Variants in FOXN3 observed in about 807,000 individuals in gnomAD.
The protein encoded by FOXN3 is forkhead box protein N3.
FOXN3 carries 7 observed loss-of-function variants against 38.4 expected under a neutral mutation model. The observed-to-expected ratio is 0.18, with a 90% CI of 0.10 to 0.34. The LOEUF is 0.34. Among genes scored for constraint, FOXN3 ranks in the 10% least tolerant of loss-of-function variants. FOXN3 has a pLI of 1.00. For missense variants in FOXN3, 456 were observed against 613.4 expected (o/e 0.74, Z 2.71); for synonymous variants, 230 against 242.2 (o/e 0.95, Z 0.47).
At chr14:89,331,459 A>G (rs1247256617) in intron 3 of FOXN3, among the ~76,000 whole-genome samples, 1 of 149,198 alleles carries the variant, frequency 6.7e-6, no homozygotes, top group Non-Finnish European at 1.5e-5. Context: ...CTGCTGATGG[A>G]CGTTTGCGTT....
chr14:89,581,287 G>A (rs950717175), intron 1 of FOXN3, among the ~76,000 whole-genome samples: 3 of 151,982 alleles, frequency 2.0e-5, no homozygotes, highest in African/African-American at 7.2e-5. Context: ...TTTGAGACCA[G>A]CCTGGCCAAC....
At chr14:89,474,570 G>A (rs1028737423) in intron 1 of FOXN3, among the ~76,000 whole-genome samples, 3 of 152,148 alleles carry the variant, frequency 2.0e-5, no homozygotes, top group Admixed American at 1.3e-4. Flanking sequence ...AATAAGAATC[G>A]TCAGGACAGT....
intron 1 of FOXN3, among the ~76,000 whole-genome samples, chr14:89,452,285 C>A (rs1892629006): frequency 6.6e-6 from 1 of 152,172 alleles, no homozygotes; most frequent in East Asian, 1.9e-4. Context: ...CATCCCCTAA[C>A]AAACCTTCCA....
Position 89,294,267 on chromosome 14 carries a change from GCACAGT to G in FOXN3, c.681-13259_681-13254del, listed in dbSNP as rs145527109. Among the ~76,000 whole-genome samples the G allele has an allele frequency of 4.5e-3, 684 of 152,278 alleles. 4 individuals are homozygous for G. Among genetic ancestry groups the G allele is most frequent in the African/African-American group, 0.016 (650 of 41,544 alleles). On this transcript the variant is annotated intron_variant, in intron 3 of 5. Transcript: ENST00000557258. Reference sequence around the variant, plus strand: ...CATTCTCAAAGCACAATATCTTCAGGCACAGTCCCCAGGGCTTGCCAACGTGGAGAG... The same window carrying G: ...CATTCTCAAAGCACAATATCTTCAGGCCCCAGGGCTTGCCAACGTGGAGAG...
chr14:89,436,864 A>ATAAG (rs1310576204), intron 1 of FOXN3, among the ~76,000 whole-genome samples: 1 of 152,230 alleles, frequency 6.6e-6, no homozygotes, highest in Non-Finnish European at 1.5e-5. Context: ...AGTATGGCTT[A>ATAAG]GGCCAGGCAC....
intron 1 of FOXN3, among the ~76,000 whole-genome samples, chr14:89,580,717 T>C (rs1393843122): frequency 1.3e-5 from 2 of 152,240 alleles, no homozygotes; most frequent in African/African-American, 4.8e-5. Flanking sequence ...GCTCCATAAT[T>C]GATGCAAGTT....
intron 1 of FOXN3, among the ~76,000 whole-genome samples, chr14:89,515,838 C>T (rs531454084): frequency 5.3e-5 from 8 of 152,228 alleles, no homozygotes; most frequent in African/African-American, 9.6e-5. Flanking sequence ...ATGATGAAAG[C>T]GAAGGGTGCT....
intron 3 of FOXN3, among the ~76,000 whole-genome samples, chr14:89,329,224 T>G (rs1888166690): frequency 6.6e-6 from 1 of 152,250 alleles, no homozygotes; most frequent in African/African-American, 2.4e-5. Context: ...TAGTAGGTGT[T>G]AATTTTTCCC....
chr14:89,498,280 G>A (rs173378), intron 1 of FOXN3, among the ~76,000 whole-genome samples: 1 of 131,874 alleles, frequency 7.6e-6, no homozygotes, highest in Admixed American at 8.7e-5. Context: ...ACGGTGGTAC[G>A]ATCTCGATCT....
intron 2 of FOXN3, among the ~76,000 whole-genome samples, chr14:89,368,899 T>C (rs1171490397): frequency 5.3e-5 from 8 of 152,034 alleles, no homozygotes; most frequent in Non-Finnish European, 2.9e-5. Context: ...GGAGAGAAAC[T>C]CCGCCAGGGG....
chr14:89,389,908 T>G (rs1890889562), intron 2 of FOXN3, among the ~76,000 whole-genome samples: 1 of 152,040 alleles, frequency 6.6e-6, no homozygotes, highest in African/African-American at 2.4e-5. Flanking sequence ...ATCCTTGTTT[T>G]TCACTTTTAT....
chr14:89,251,015 G>A (rs1265259049), intron 4 of FOXN3, among the ~76,000 whole-genome samples: 4 of 152,180 alleles, frequency 2.6e-5, no homozygotes, highest in Non-Finnish European at 5.9e-5. Flanking sequence ...TTTATTAGTA[G>A]TGTGAGAAGA....
intron 1 of FOXN3, among the ~76,000 whole-genome samples, chr14:89,516,701 A>G (rs1596305107): frequency 6.6e-6 from 1 of 151,764 alleles, no homozygotes; most frequent in East Asian, 1.9e-4. Context: ...AGCTGAGACT[A>G]TAGGCATGCA....
chr14:89,492,812 C>T (rs762302788), intron 1 of FOXN3, among the ~76,000 whole-genome samples: 1 of 152,204 alleles, frequency 6.6e-6, no homozygotes, highest in Non-Finnish European at 1.5e-5. Flanking sequence ...ATATGGAAAG[C>T]TTCAACATTC....
At chr14:89,312,315 T>G (rs1235669522) in intron 3 of FOXN3, among the ~76,000 whole-genome samples, 1 of 92,328 alleles carries the variant, frequency 1.1e-5, no homozygotes, top group Non-Finnish European at 2.2e-5. Context: ...GCCAAGGCCC[T>G]CGGACTAAAA....
chr14:89,194,458 G>A (rs1410590736), intron 4 of FOXN3, among the ~76,000 whole-genome samples: 1 of 152,160 alleles, frequency 6.6e-6, no homozygotes, highest in East Asian at 1.9e-4. Flanking sequence ...TTTGGCTCCT[G>A]GGTTGAACAC....
intron 3 of FOXN3, among the ~76,000 whole-genome samples, chr14:89,285,754 G>A (rs945409897): frequency 3.3e-5 from 5 of 151,976 alleles, no homozygotes; most frequent in East Asian, 1.9e-4. Flanking sequence ...TTTACAAGAC[G>A]AAAAGAGTTC....
chr14:89,537,162 GAGAA>G (rs1373400557), intron 1 of FOXN3, among the ~76,000 whole-genome samples: 1 of 152,222 alleles, frequency 6.6e-6, no homozygotes, highest in Non-Finnish European at 1.5e-5. Flanking sequence ...GAAGTTCCTT[GAGAA>G]TGGGGACAAT....
At chr14:89,305,777 G>C (rs1009739122) in intron 3 of FOXN3, among the ~76,000 whole-genome samples, 1 of 152,132 alleles carries the variant, frequency 6.6e-6, no homozygotes, top group Non-Finnish European at 1.5e-5. Context: ...CTTATTAAAC[G>C]GATCTAACTA....
Sources: gnomAD v4.1 joint callset for allele counts (sites outside exome capture counted in the v4.1 genomes callset) on GRCh38, gnomAD v4.1.1 for gene constraint, MANE v1.5 for transcripts, NCBI Gene and HGNC (gene_info 2026-07-23, HGNC 2026-07-21) for gene names.